The following MECOM variants were observed in gnomAD, a reference collection of about 807,000 sequenced individuals.
The protein encoded by MECOM is histone-lysine N-methyltransferase MECOM.
MECOM carries 13 observed loss-of-function variants against 116.3 expected under a neutral mutation model. That is an observed-to-expected ratio of 0.11 (90% CI 0.07 to 0.18). The LOEUF (loss-of-function observed/expected upper bound fraction) is 0.18. MECOM is among the 10% of genes least tolerant of loss of function. MECOM has a pLI of 1.00. For synonymous variants in MECOM, 528 were observed against 535.2 expected, an observed-to-expected ratio of 0.99 and a Z score of 0.19; for missense variants, 1,299 against 1,509.0, an observed-to-expected ratio of 0.86 and a Z score of 2.31.
rs534251788 is a variant in MECOM at position 169,443,226 on chromosome 3, C to T, written c.38-61702G>A. Among the ~76,000 whole-genome samples the T allele has an allele frequency of 3.3e-5, 5 of 152,250 alleles. No homozygotes were observed. The East Asian group carries it at 9.7e-4, about 29-fold the overall frequency. On this transcript the variant is annotated intron_variant, in intron 1 of 16. Coordinates refer to ENST00000651503, the MANE Select transcript of MECOM (RefSeq NM_004991.4). ...GGGGTCTCTTCCCTGTGAGCAGGCT[C>T]CTTGACTCTCTTCCAAATGCCACCA...
chr3:169,131,984 A>G (rs1243284537), intron 3 of MECOM: 3 of 993,832 alleles, frequency 3.0e-6, no homozygotes, highest in African/African-American at 1.7e-5. Context: ...CGCCTTCTCA[A>G]CAACGTGTTT....
At chr3:169,125,637 CA>C (rs1478462237) in intron 5 of MECOM, among the ~76,000 whole-genome samples, 2 of 151,964 alleles carry the variant, frequency 1.3e-5, no homozygotes, top group African/African-American at 4.8e-5. Context: ...ATAAAAAGCA[CA>C]AAAAAGCAAG....
In MECOM at chr3:169,102,184, T is replaced by C. The variant is rs763248949; in HGVS notation, c.2647A>G (p.Ser883Gly). 3 of 1,613,870 alleles carry C rather than the reference T, an allele frequency of 1.9e-6. No homozygotes were observed. The highest frequency in any genetic ancestry group is 2.5e-6 in the Non-Finnish European group (3 of 1,179,824). ...TCACTGGCCTCAGGTTTCAGGGCAC[T>C]GAAGCTCTCTAGCTTTTCTGCCATG... The part of the protein sequence containing the change: ...ENMAEKLESF[S>G]ALKPEASELL... Residue 883 changes from serine to glycine, a missense_variant, in exon 11 of 17, where the codon AGT becomes GGT. Ser to Gly is a moderately conservative substitution (Grantham distance 56). This residue lies in a region of MECOM where 340 missense variants were observed against 312.6 expected (regional missense o/e 1.09). Transcript: ENST00000651503.
chr3:169,436,608 G>A (rs112363213), intron 1 of MECOM, among the ~76,000 whole-genome samples: 2 of 152,138 alleles, frequency 1.3e-5, no homozygotes, highest in African/African-American at 2.4e-5. Context: ...CAAAATTAAT[G>A]GTGAAATTAT....
chr3:169,182,303 T>C (rs774118417), intron 2 of MECOM, among the ~76,000 whole-genome samples: 1 of 152,216 alleles, frequency 6.6e-6, no homozygotes, highest in Non-Finnish European at 1.5e-5. Context: ...TTTGTGGTGT[T>C]CGTTATTTCA....
intron 2 of MECOM, among the ~76,000 whole-genome samples, chr3:169,177,258 C>A (rs1424353885): frequency 6.6e-6 from 1 of 152,112 alleles, no homozygotes; most frequent in Non-Finnish European, 1.5e-5. Flanking sequence ...AAATGTGGTA[C>A]ATATACACCA....
At chr3:169,426,637 A>G (rs1488001425) in intron 1 of MECOM, among the ~76,000 whole-genome samples, 2 of 152,246 alleles carry the variant, frequency 1.3e-5, no homozygotes, top group Non-Finnish European at 2.9e-5. Flanking sequence ...AGCATGAAAC[A>G]TATGAGAACC....
At chr3:169,160,325 T>C (rs1337932537) in intron 2 of MECOM, among the ~76,000 whole-genome samples, 2 of 151,432 alleles carry the variant, frequency 1.3e-5, no homozygotes, top group African/African-American at 4.8e-5. Flanking sequence ...TGAAGAAAAA[T>C]AAGAATCTTC....
At chr3:169,129,718 G>A (rs1243456708) in intron 4 of MECOM, among the ~76,000 whole-genome samples, 1 of 152,032 alleles carries the variant, frequency 6.6e-6, no homozygotes, top group African/African-American at 2.4e-5. Flanking sequence ...GAATCTCTAG[G>A]CCACATCATG....
At chr3:169,412,285 CAAA>C (rs10687946) in intron 1 of MECOM, among the ~76,000 whole-genome samples, 5 of 104,912 alleles carry the variant, frequency 4.8e-5, no homozygotes, top group Non-Finnish European at 8.3e-5. Flanking sequence ...GACTCTGTCT[CAAA>C]AAAAAAAAAA....
chr3:169,596,257 T>C (rs1245612385), intron 1 of MECOM, among the ~76,000 whole-genome samples: 1 of 152,212 alleles, frequency 6.6e-6, no homozygotes, highest in Non-Finnish European at 1.5e-5. Context: ...AGATGTAAAC[T>C]CTTGTGCCAA....
intron 2 of MECOM, among the ~76,000 whole-genome samples, chr3:169,156,083 G>C (rs1168594391): frequency 6.6e-6 from 1 of 152,116 alleles, no homozygotes; most frequent in African/African-American, 2.4e-5. Flanking sequence ...TTTTCTAATT[G>C]GTTATTAGAA....
At chr3:169,142,793 CATTTA>C (rs1738530868) in intron 3 of MECOM, among the ~76,000 whole-genome samples, 1 of 151,798 alleles carries the variant, frequency 6.6e-6, no homozygotes, top group Admixed American at 6.6e-5. Flanking sequence ...CAATTGGAAA[CATTTA>C]ATTTAAACTA....
At chr3:169,619,160 G>A (rs530312969) in intron 1 of MECOM, among the ~76,000 whole-genome samples, 13 of 152,134 alleles carry the variant, frequency 8.5e-5, no homozygotes, top group Non-Finnish European at 1.9e-4. Flanking sequence ...TGAATTTATC[G>A]TGGTTCTGAA....
At chr3:169,592,200 A>C (rs937354509) in intron 1 of MECOM, among the ~76,000 whole-genome samples, 1 of 152,094 alleles carries the variant, frequency 6.6e-6, no homozygotes, top group South Asian at 2.1e-4. Context: ...CAAACAAAAC[A>C]CTAGATTAAA....
At chr3:169,493,676 A>T (rs543843149) in intron 1 of MECOM, among the ~76,000 whole-genome samples, 13 of 152,076 alleles carry the variant, frequency 8.5e-5, no homozygotes, top group Non-Finnish European at 1.5e-4. Context: ...GCAACGTCTG[A>T]CTCTGCATAT....
intron 1 of MECOM, among the ~76,000 whole-genome samples, chr3:169,397,914 A>G (rs1408339046): frequency 1.3e-5 from 2 of 152,202 alleles, no homozygotes; most frequent in East Asian, 3.9e-4. Context: ...GGCAGTTGCT[A>G]ACCTAACATT....
At chr3:169,503,986 T>C (rs1161440052) in intron 1 of MECOM, among the ~76,000 whole-genome samples, 1 of 152,154 alleles carries the variant, frequency 6.6e-6, no homozygotes, top group Non-Finnish European at 1.5e-5. Flanking sequence ...ATGTTGAATC[T>C]CTACTCTACT....
intron 2 of MECOM, among the ~76,000 whole-genome samples, chr3:169,152,020 TTC>T (rs1196221788): frequency 1.3e-5 from 2 of 150,826 alleles, no homozygotes; most frequent in Admixed American, 6.6e-5. Context: ...TTTTAATAAT[TTC>T]TGTTTTTTAA....
Sources: allele counts gnomAD v4.1 joint callset (sites outside exome capture counted in the v4.1 genomes callset), GRCh38; gene constraint gnomAD v4.1.1; regional missense constraint gnomAD v4.1.1; transcripts MANE v1.5; gene names NCBI Gene and HGNC (gene_info 2026-07-23, HGNC 2026-07-21).